The following KIF16B variants were observed in gnomAD, a reference collection of about 807,000 sequenced individuals.
KIF16B encodes kinesin-like protein KIF16B.
In KIF16B, 98 loss-of-function variants were observed where a neutral mutation model predicts 156.3. The observed-to-expected ratio is 0.63, with a 90% CI of 0.53 to 0.74. The LOEUF is 0.74. Among genes scored for constraint, KIF16B ranks in the 30% least tolerant of loss-of-function variants. KIF16B has a pLI of 0.00. For synonymous variants in KIF16B, 564 were observed against 583.7 expected (o/e 0.97, Z 0.49); for missense variants, 1,421 against 1,606.5 (o/e 0.88, Z 1.97).
At chr20:16,389,316 C>G (rs1716370203) in intron 17 of KIF16B, among the ~76,000 whole-genome samples, 1 of 152,076 alleles carries the variant, frequency 6.6e-6, no homozygotes, top group Admixed American at 6.5e-5. Context: ...GAACAAGAGG[C>G]CCAACTTTCA....
chr20:16,493,289 G>A (rs989569582), intron 12 of KIF16B, among the ~76,000 whole-genome samples: 4 of 152,152 alleles, frequency 2.6e-5, no homozygotes, highest in Admixed American at 2.6e-4. Context: ...TTGCCTAAAT[G>A]GTGCAAGGAG....
rs577913744 is a variant in KIF16B at position 16,540,966 on chromosome 20, A to C, written c.48-12526T>G. ...CAGATGTATTCGCCTCCCTACCCCA[A>C]GCCCAGAAAGCAAGCAACCCAAGTC... is the stretch of plus-strand genomic sequence containing the variant. On this transcript the variant is annotated intron_variant, in intron 1 of 25. Coordinates refer to ENST00000354981, the MANE Select transcript of KIF16B (RefSeq NM_024704.5). 1.2e-4 allele frequency among the ~76,000 whole-genome samples: 19 copies of C among 152,204 alleles called. No homozygotes were observed. The East Asian group carries it at 3.7e-3, about 29-fold the overall frequency.
intron 10 of KIF16B, among the ~76,000 whole-genome samples, chr20:16,503,095 CA>C (rs1335506786): frequency 2.0e-5 from 3 of 152,138 alleles, no homozygotes; most frequent in Non-Finnish European, 4.4e-5. Context: ...AGGCACCTCC[CA>C]GCTACTCAGG....
intron 5 of KIF16B, among the ~76,000 whole-genome samples, chr20:16,511,965 G>A (rs1455105036): frequency 6.6e-6 from 1 of 152,038 alleles, no homozygotes; most frequent in Non-Finnish European, 1.5e-5. Flanking sequence ...TGACCAACAC[G>A]GTGAAACCCC....
intron 1 of KIF16B, among the ~76,000 whole-genome samples, chr20:16,564,593 C>G (rs2071184188): frequency 6.6e-6 from 1 of 151,358 alleles, no homozygotes; most frequent in East Asian, 1.9e-4. Flanking sequence ...AGCACACCAA[C>G]ATGGCACATG....
intron 22 of KIF16B, among the ~76,000 whole-genome samples, chr20:16,362,020 G>T (rs1373739450): frequency 6.6e-6 from 1 of 152,190 alleles, no homozygotes; most frequent in Non-Finnish European, 1.5e-5. Flanking sequence ...TAAATATGGG[G>T]TCTATTATAC....
At chr20:16,429,495 G>T (rs1413410720) in intron 13 of KIF16B, among the ~76,000 whole-genome samples, 1 of 152,124 alleles carries the variant, frequency 6.6e-6, no homozygotes, top group African/African-American at 2.4e-5. Flanking sequence ...TAATGCAGGT[G>T]AGAAGCACAA....
At chr20:16,277,391 C>T (rs1309608829) in intron 25 of KIF16B, among the ~76,000 whole-genome samples, 2 of 151,208 alleles carry the variant, frequency 1.3e-5, no homozygotes, top group Non-Finnish European at 2.9e-5. Flanking sequence ...AAAGAAGTTT[C>T]CTGTAGAGAT....
chr20:16,441,052 C>T (rs2066786343), intron 12 of KIF16B, among the ~76,000 whole-genome samples: 2 of 152,194 alleles, frequency 1.3e-5, no homozygotes, highest in Non-Finnish European at 2.9e-5. Context: ...CTTCTGATCA[C>T]AAGTACTTTA....
intron 23 of KIF16B, among the ~76,000 whole-genome samples, chr20:16,340,326 C>T (rs1416667271): frequency 6.6e-6 from 1 of 152,194 alleles, no homozygotes; most frequent in Non-Finnish European, 1.5e-5. Flanking sequence ...TTCAACACTG[C>T]TTACTCTTCT....
At chr20:16,301,610 C>A (rs2063472177) in intron 25 of KIF16B, among the ~76,000 whole-genome samples, 1 of 151,942 alleles carries the variant, frequency 6.6e-6, no homozygotes, top group Non-Finnish European at 1.5e-5. Flanking sequence ...GCTTATTTGC[C>A]TTCTGTATAT....
intron 25 of KIF16B, among the ~76,000 whole-genome samples, chr20:16,283,471 T>A (rs1330176542): frequency 6.6e-6 from 1 of 152,102 alleles, no homozygotes; most frequent in Non-Finnish European, 1.5e-5. Context: ...GTGTAGGCGG[T>A]GACCAGCACA....
chr20:16,476,995 C>G (rs940866535), intron 12 of KIF16B, among the ~76,000 whole-genome samples: 2 of 152,104 alleles, frequency 1.3e-5, no homozygotes. Context: ...AATCCGCCCG[C>G]CTCAGCCTCC....
chr20:16,560,682 G>A (rs2071023618), intron 1 of KIF16B, among the ~76,000 whole-genome samples: 1 of 152,140 alleles, frequency 6.6e-6, no homozygotes, highest in Non-Finnish European at 1.5e-5. Flanking sequence ...GGGGGGCTGA[G>A]GCTGAGGTGG....
intron 25 of KIF16B, among the ~76,000 whole-genome samples, chr20:16,286,540 T>G (rs2063225136): frequency 7.1e-6 from 1 of 140,494 alleles, no homozygotes; most frequent in South Asian, 2.3e-4. Flanking sequence ...TGGATTAGAA[T>G]TCTAGTATCC....
chr20:16,493,930 T>C (rs574403634), intron 12 of KIF16B, among the ~76,000 whole-genome samples: 24 of 152,334 alleles, frequency 1.6e-4, no homozygotes, highest in African/African-American at 5.8e-4. Flanking sequence ...TCATTTAATA[T>C]GTTGCTTTGA....
chr20:16,443,640 A>C (rs1278627981), intron 12 of KIF16B, among the ~76,000 whole-genome samples: 1 of 152,216 alleles, frequency 6.6e-6, no homozygotes, highest in Non-Finnish European at 1.5e-5. Flanking sequence ...TGTAATTGAT[A>C]CACTGCACTT....
chr20:16,331,575 T>C (rs994667074), intron 24 of KIF16B, among the ~76,000 whole-genome samples: 2 of 152,224 alleles, frequency 1.3e-5, no homozygotes, highest in African/African-American at 4.8e-5. Context: ...TTTAAAAATA[T>C]ACTATCATCA....
At chr20:16,431,618 C>G (rs2066501807) in intron 12 of KIF16B, among the ~76,000 whole-genome samples, 1 of 152,076 alleles carries the variant, frequency 6.6e-6, no homozygotes, top group African/African-American at 2.4e-5. Context: ...TTCTTATGCA[C>G]AGTAGGATAT....
Sources: allele counts gnomAD v4.1 joint callset (sites outside exome capture counted in the v4.1 genomes callset), GRCh38; gene constraint gnomAD v4.1.1; transcripts MANE v1.5; gene names NCBI Gene and HGNC (gene_info 2026-07-23, HGNC 2026-07-21).